Variants in OS9 observed in about 807,000 individuals in gnomAD.
The protein encoded by OS9 is protein OS-9.
A neutral mutation model predicts 84.7 loss-of-function variants in OS9; 58 were observed. The ratio of observed to expected loss-of-function variants is 0.68; its 90% confidence interval spans 0.55 to 0.85. OS9 has a LOEUF of 0.85. Among genes scored for constraint, OS9 ranks in the 40% least tolerant of loss-of-function variants. The pLI is 0.00. For synonymous variants in OS9, 278 were observed against 320.8 expected, an observed-to-expected ratio of 0.87 and a Z score of 1.43; for missense variants, 760 against 850.9, an observed-to-expected ratio of 0.89 and a Z score of 1.33.
rs1236860224 is a variant in OS9, at chr12:57,721,506, C to T, written c.*597C>T. ...ATCCCAGTGAAAAAGGTGTGAAGCA[C>T]CCACCATGTTCTTGAACAATCAGGT... On this transcript the variant is annotated 3_prime_UTR_variant, in exon 15 of 15. Coordinates refer to ENST00000315970, the MANE Select transcript of OS9 (RefSeq NM_006812.4). 7.8e-5 allele frequency: 12 copies of T among 153,120 alleles called. No individual in the cohort carries two copies. In the East Asian group the frequency reaches 2.3e-3, roughly 30 times the overall value. 9.5% of individuals were successfully genotyped at this position (153,120 alleles called of 1,614,324 possible). A position where few individuals can be genotyped will look rare whatever the true frequency, so the allele number is the denominator to read the frequency against.
chr12:57,711,621 A>G (rs925284667), intron 5 of OS9, among the ~76,000 whole-genome samples: 1 of 152,200 alleles, frequency 6.6e-6, no homozygotes, highest in African/African-American at 2.4e-5. Context: ...CTGGGATTAT[A>G]GGCATGAGCC....
rs1286949915 is a variant in OS9, at chr12:57,697,902, T to C, written c.579+1529T>C. Among the ~76,000 whole-genome samples the C allele has an allele frequency of 8.7e-3, 311 of 35,692 alleles. 8 individuals are homozygous for C. The highest frequency in any genetic ancestry group is 0.016 in the Middle Eastern group (1 of 62). The allele number at this position is 35,692 out of a possible 152,430, so 23.4% of individuals were successfully genotyped here. A position where few individuals can be genotyped will look rare whatever the true frequency, so the allele number is the denominator to read the frequency against. ...ACACACACACACACGGAACCTAACA[T>C]AAGCAAACACACACACACACATACA... On this transcript the variant is annotated intron_variant, in intron 5 of 14. Transcript: ENST00000315970.
chr12:57,718,374 G>C lies in OS9; in HGVS notation c.1363G>C (p.Glu455Gln). The C allele has an allele frequency of 3.7e-6, 6 of 1,614,220 alleles. No individual in the cohort carries two copies. Among genetic ancestry groups the C allele is most frequent in the Non-Finnish European group, 5.1e-6 (6 of 1,180,024 alleles). ...LPSDRDRLRSEVKAGMERELE... is the reference protein window; with the variant it reads ...LPSDRDRLRSQVKAGMERELE... ...GTCAGACCGAGACCGGCTCCGTTCG[G>C]AGGTGAAGGCTGGCATGGAGCGGGA... is the stretch of plus-strand genomic sequence containing the variant. The change falls in exon 11 of 15, where the codon GAG (glutamate) becomes CAG (glutamine). Residue 455 changes from glutamate to glutamine, a missense_variant. Coordinates refer to ENST00000315970, the MANE Select transcript of OS9 (RefSeq NM_006812.4).
At chr12:57,706,184 A>T (rs1298690368) in intron 5 of OS9, among the ~76,000 whole-genome samples, 2 of 152,174 alleles carry the variant, frequency 1.3e-5, no homozygotes, top group Non-Finnish European at 2.9e-5. Context: ...TCCATTCTGT[A>T]CCTAGACTGC....
At chr12:57,716,283 G>C (rs970633808) in intron 7 of OS9, 90 bp downstream of exon 7, 1 of 766,148 alleles carries the variant, frequency 1.3e-6, no homozygotes. Context: ...GTGGGGTGGG[G>C]GGGGGTGGAA....
rs773431561 is a variant in OS9 at position 57,716,121 on chromosome 12, G to A, written c.820G>A (p.Glu274Lys). The change falls in exon 7 of 15, where the codon GAG (glutamate) becomes AAG (lysine). Residue 274 changes from glutamate to lysine, a missense_variant. Transcript: ENST00000315970. ...AAAGCAGTATGGAGATAAAATCATA[G>A]AGGAGCTGCAAGATCTAGGCCCCCA... ...DSKQYGDKII[E>K]ELQDLGPQVW... 1.9e-6 allele frequency: 3 copies of A among 1,613,750 alleles called. No homozygotes were observed. The highest frequency in any genetic ancestry group is 4.5e-5 in the East Asian group (2 of 44,878).
intron 5 of OS9, among the ~76,000 whole-genome samples, chr12:57,697,944 C>CCTA (rs1953913103): frequency 6.6e-6 from 1 of 150,702 alleles, no homozygotes; most frequent in African/African-American, 2.4e-5. Flanking sequence ...CACACACACA[C>CCTA]ACACACACAC....
At position 57,705,997 on chromosome 12, in the gene OS9, T is replaced by C. The variant is rs544480726; in HGVS notation, c.579+9624T>C. On this transcript the variant is annotated intron_variant, in intron 5 of 14. Coordinates refer to ENST00000315970, the MANE Select transcript of OS9 (RefSeq NM_006812.4). ...CTGCAAGAGAAACAGTTTTGGTTTC[T>C]TCCTTTCTAAGTTGTATACATTTCA... Among the ~76,000 whole-genome samples, 5 of 152,374 alleles carry C rather than the reference T, an allele frequency of 3.3e-5. No individual in the cohort carries two copies. The East Asian group carries it at 7.7e-4, about 23-fold the overall frequency.
chr12:57,705,065 A>G (rs1954127480), intron 5 of OS9, among the ~76,000 whole-genome samples: 1 of 152,206 alleles, frequency 6.6e-6, no homozygotes, highest in Non-Finnish European at 1.5e-5. Flanking sequence ...TCTCAAATAT[A>G]TGTGCATTTT....
At position 57,715,807 on chromosome 12, in the gene OS9, C is replaced by T. The variant is rs747753586; in HGVS notation, c.627C>T (p.Arg209=). ...GTATCTCTGGGGACTACATCGATCGCGTGGACGAGCCCTTGTCCTGCTCTT... is the reference window on the plus strand; with the variant it reads ...GTATCTCTGGGGACTACATCGATCGTGTGGACGAGCCCTTGTCCTGCTCTT... The part of the protein sequence containing the change: ...GAGISGDYID[R]VDEPLSCSYV... The change falls in exon 6 of 15, where the codon CGC becomes CGT. Residue 209 remains arginine (R), a synonymous_variant. Coordinates refer to ENST00000315970, the MANE Select transcript of OS9 (RefSeq NM_006812.4). 22 of 1,613,704 alleles carry T rather than the reference C, an allele frequency of 1.4e-5. No individual in the cohort carries two copies. Among genetic ancestry groups the T allele is most frequent in the Non-Finnish European group, 1.5e-5 (18 of 1,179,850 alleles).
In OS9 at chr12:57,715,781, G is replaced by A; in HGVS notation, c.601G>A (p.Gly201Ser). ...GCAGTTCCTCTGTGACGAGGGTGCA[G>A]GTATCTCTGGGGACTACATCGATCG... ...EVRFLCDEGA[G>S]ISGDYIDRVD... The change falls in exon 6 of 15, where the codon GGT becomes AGT. Residue 201 changes from glycine (G) to serine (S), a missense_variant. Transcript: ENST00000315970. The A allele has an allele frequency of 1.2e-6, 2 of 1,610,648 alleles. No individual in the cohort carries two copies. Among genetic ancestry groups the A allele is most frequent in the Non-Finnish European group, 1.7e-6 (2 of 1,178,004 alleles).
chr12:57,712,709 A>C (rs1406291091), intron 5 of OS9, among the ~76,000 whole-genome samples: 1 of 151,790 alleles, frequency 6.6e-6, no homozygotes, highest in Non-Finnish European at 1.5e-5. Flanking sequence ...CCTGCCCTCC[A>C]CCCCATGGCT....
chr12:57,716,420 C>T lies in OS9; in HGVS notation c.901C>T (p.Pro301Ser). 1 of 1,556,500 alleles carries T rather than the reference C, an allele frequency of 6.4e-7. No homozygotes were observed. Among genetic ancestry groups the T allele is most frequent in the African/African-American group, 1.4e-5 (1 of 73,502 alleles). Reference sequence around the variant, plus strand: ...TGTTCTCTGTACCCTAGGTGCGAGCCCGACCAAGGATGACAGTAAGGACTC... The same window carrying T: ...TGTTCTCTGTACCCTAGGTGCGAGCTCGACCAAGGATGACAGTAAGGACTC... Reference protein sequence around the residue: ...VAPQKMAGASPTKDDSKDSDF... With the variant: ...VAPQKMAGASSTKDDSKDSDF... The change falls in exon 8 of 15, where the codon CCG becomes TCG. Residue 301 changes from proline (P) to serine (S), a missense_variant. Coordinates refer to ENST00000315970, the MANE Select transcript of OS9 (RefSeq NM_006812.4).
At chr12:57,706,846 G>GA (rs11423380) in intron 5 of OS9, among the ~76,000 whole-genome samples, 9,489 of 41,550 alleles carry the variant, frequency 0.23, 1,790 homozygotes, top group Admixed American at 0.34. Flanking sequence ...ATGACTCTCT[G>GA]AAAAAAAAAA....
intron 5 of OS9, among the ~76,000 whole-genome samples, chr12:57,712,758 T>C (rs1423176357): frequency 2.6e-5 from 4 of 152,032 alleles, no homozygotes. Flanking sequence ...GCTGCACTAC[T>C]TGCATTCAGT....
At position 57,716,522 on chromosome 12, in the gene OS9, G is replaced by A. The variant is rs375832778; in HGVS notation, c.993+10G>A. 1.9e-6 allele frequency: 3 copies of A among 1,567,186 alleles called. No homozygotes were observed. The highest frequency in any genetic ancestry group is 2.6e-6 in the Non-Finnish European group (3 of 1,152,702). ...GGAGGTGCCGGCTGAGGTGAGACCA[G>A]CTGCCTCAGAGGAGCAGGATGGGGA... On this transcript the variant is annotated intron_variant, in intron 8 of 14. Transcript: ENST00000315970.
chr12:57,710,374 G>C (rs192988216), intron 5 of OS9, among the ~76,000 whole-genome samples: 50 of 152,084 alleles, frequency 3.3e-4, no homozygotes, highest in Admixed American at 1.6e-3. Context: ...GGTTATTTTT[G>C]CATCACTAAT....
intron 2 of OS9, 124 bp from the exon 3 acceptor site, chr12:57,695,656 T>C: frequency 5.3e-6 from 4 of 749,840 alleles, no homozygotes; most frequent in Non-Finnish European, 9.9e-6. Context: ...AGAGTGGAAG[T>C]GAAGGGAAGA....
Position 57,720,445 on chromosome 12 carries a change from G to A in OS9, c.1805G>A (p.Gly602Glu). 1 of 1,614,006 alleles carries A rather than the reference G, an allele frequency of 6.2e-7. No individual in the cohort carries two copies. The highest frequency in any genetic ancestry group is 2.2e-5 in the East Asian group (1 of 44,900). Residue 602 changes from glycine to glutamate, a missense_variant, in exon 14 of 15, where the codon GGG becomes GAG. Coordinates refer to ENST00000315970, the MANE Select transcript of OS9 (RefSeq NM_006812.4). Reference sequence around the variant, plus strand: ...AAAATTGTCCGCCCATGGGCTGAAGGGACTGAAGAGGGTGCACGTTGGCTG... The same window carrying A: ...AAAATTGTCCGCCCATGGGCTGAAGAGACTGAAGAGGGTGCACGTTGGCTG... ...EIKIVRPWAE[G>E]TEEGARWLTD...
Sources: allele counts gnomAD v4.1 joint callset (sites outside exome capture counted in the v4.1 genomes callset), GRCh38; gene constraint gnomAD v4.1.1; transcripts MANE v1.5; gene names NCBI Gene and HGNC (gene_info 2026-07-23, HGNC 2026-07-21).